Variants in C10orf53 observed in about 807,000 individuals in gnomAD.
C10orf53 encodes chromosome 10 open reading frame 53.
A neutral mutation model predicts 9.4 loss-of-function variants in C10orf53; 8 were observed. The observed-to-expected ratio is 0.85, with a 90% CI of 0.50 to 1.53. The LOEUF (loss-of-function observed/expected upper bound fraction) is 1.53, where lower values mean the gene tolerates loss of function less well. Ranked by LOEUF, C10orf53 falls within the 40% of genes most tolerant of loss-of-function variation. The probability of loss-of-function intolerance (pLI) is 0.00; values close to 1 mark genes in which losing one functional copy is unlikely to be tolerated. For synonymous variants in C10orf53, 48 were observed against 46.0 expected, an observed-to-expected ratio of 1.04 and a Z score of -0.18; for missense variants, 117 against 117.8, an observed-to-expected ratio of 0.99 and a Z score of 0.03.
At chr10:49,708,659 A>T (rs1030757915) in exon 3 of C10orf53, 14 of 1,603,462 alleles carry the variant, frequency 8.7e-6, no homozygotes, top group Non-Finnish European at 1.1e-5. Context: ...CATTTCACAA[A>T]AGGAAAATGG....
intron 1 of C10orf53, among the ~76,000 whole-genome samples, chr10:49,683,096 T>C (rs1436629082): frequency 6.6e-6 from 1 of 152,262 alleles, no homozygotes; most frequent in Admixed American, 6.5e-5. Context: ...CTGAGTCATA[T>C]GGTAATTCTA....
chr10:49,707,889 C>G (rs1840734017), intron 2 of C10orf53, among the ~76,000 whole-genome samples: 1 of 151,924 alleles, frequency 6.6e-6, no homozygotes, highest in Non-Finnish European at 1.5e-5. Context: ...AAAAAAAAAC[C>G]CATTGACCTC....
chr10:49,694,896 C>A lies in C10orf53; in HGVS notation c.*294C>A. Reference sequence around the variant, plus strand: ...GCTGAAGGAAACAATAAAATGCAATCAAATAACAAGGTGCCATTCCTGACT... The same window carrying A: ...GCTGAAGGAAACAATAAAATGCAATAAAATAACAAGGTGCCATTCCTGACT... On this transcript the variant is annotated 3_prime_UTR_variant, in exon 3 of 3. Transcript: ENST00000374111. 1 of 1,179,332 alleles carries A rather than the reference C, an allele frequency of 8.5e-7. No individual in the cohort carries two copies. The highest frequency in any genetic ancestry group is 1.1e-6 in the Non-Finnish European group (1 of 951,980). 73.1% of individuals were successfully genotyped at this position (1,179,332 alleles called of 1,614,324 possible).
rs1275976841 is a variant in C10orf53 at position 49,695,109 on chromosome 10, GAATA to G, written c.*512_*515del. On this transcript the variant is annotated 3_prime_UTR_variant, in exon 3 of 3. Coordinates refer to ENST00000374111, the MANE Select transcript of C10orf53 (RefSeq NM_001042427.3). ...ACAGATTTATTTCTGACTCCTGAGGGAATAAATATTTTAAATTGCTATTATAAAA... is the reference window on the plus strand; with the variant it reads ...ACAGATTTATTTCTGACTCCTGAGGGAATATTTTAAATTGCTATTATAAAA... 4 of 271,726 alleles carry G rather than the reference GAATA, an allele frequency of 1.5e-5. No individual in the cohort carries two copies. Among genetic ancestry groups the G allele is most frequent in the African/African-American group, 9.2e-5 (4 of 43,554 alleles). 16.8% of individuals were successfully genotyped at this position (271,726 alleles called of 1,614,324 possible). A position where few individuals can be genotyped will look rare whatever the true frequency, so the allele number is the denominator to read the frequency against.
downstream of C10orf53, among the ~76,000 whole-genome samples, chr10:49,699,190 C>CTTT (rs67695235): frequency 0.13 from 8,038 of 63,982 alleles, 2,654 homozygotes; most frequent in Non-Finnish European, 0.16. Context: ...GTGGCTCAAT[C>CTTT]TTTTTTTTTT....
intron 2 of C10orf53, 61 bp from the exon 3 acceptor site, chr10:49,694,477 C>G (rs1160808880): frequency 6.2e-7 from 1 of 1,604,218 alleles, no homozygotes; most frequent in African/African-American, 1.3e-5. Context: ...ATAGGTATGT[C>G]TGATATGATA....
At chr10:49,703,676 G>A (rs1376761270) in intron 2 of C10orf53, among the ~76,000 whole-genome samples, 1 of 151,990 alleles carries the variant, frequency 6.6e-6, no homozygotes, top group South Asian at 2.1e-4. Flanking sequence ...TTAGATCTGG[G>A]GACATTTCTA....
At chr10:49,680,553 G>T (rs936938810) in intron 1 of C10orf53, among the ~76,000 whole-genome samples, 6 of 152,220 alleles carry the variant, frequency 3.9e-5, no homozygotes, top group Non-Finnish European at 8.8e-5. Flanking sequence ...TAAACTGATG[G>T]GGGATGAGGC....
intron 1 of C10orf53, among the ~76,000 whole-genome samples, chr10:49,681,208 CTGT>C (rs914124816): frequency 5.5e-4 from 83 of 152,254 alleles, no homozygotes; most frequent in African/African-American, 2.0e-3. Context: ...TGAATCAGCT[CTGT>C]TGTTCTGGAG....
downstream of C10orf53, among the ~76,000 whole-genome samples, chr10:49,700,103 G>T (rs1020818034): frequency 2.0e-5 from 3 of 152,198 alleles, no homozygotes; most frequent in African/African-American, 7.2e-5. Context: ...GTGAGGCTTA[G>T]TCCAAACTGC....
At chr10:49,699,190 C>CTTTTTTTTTTTTTTTTTTTTTTTTTT (rs67695235), downstream of C10orf53, among the ~76,000 whole-genome samples, 1 of 64,870 alleles carries the variant, frequency 1.5e-5, no homozygotes, top group Non-Finnish European at 2.5e-5. Context: ...GTGGCTCAAT[C>CTTTTTTTTTTTTTTTTTTTTTTTTTT]TTTTTTTTTT....
intron 2 of C10orf53, among the ~76,000 whole-genome samples, chr10:49,704,266 T>C (rs1435098028): frequency 1.3e-5 from 2 of 152,160 alleles, no homozygotes; most frequent in African/African-American, 4.8e-5. Flanking sequence ...AAAGAAGGCA[T>C]TTGCAACTCA....
At chr10:49,705,709 T>C (rs1268664414) in intron 2 of C10orf53, among the ~76,000 whole-genome samples, 1 of 152,096 alleles carries the variant, frequency 6.6e-6, no homozygotes, top group Non-Finnish European at 1.5e-5. Flanking sequence ...CTTCATGACC[T>C]TGTATTTGGC....
At chr10:49,687,810 C>T (rs150943417) in intron 1 of C10orf53, among the ~76,000 whole-genome samples, 1,621 of 152,274 alleles carry the variant, frequency 0.011, 19 homozygotes, top group Non-Finnish European at 0.017. Flanking sequence ...AGAGTCCAGC[C>T]TGTCTCATCC....
chr10:49,691,647 T>C (rs986533584), intron 1 of C10orf53, among the ~76,000 whole-genome samples: 1 of 152,206 alleles, frequency 6.6e-6, no homozygotes, highest in African/African-American at 2.4e-5. Context: ...GGGTAAGTGA[T>C]TCGGTGGATC....
rs537999882 is a variant in C10orf53 at position 49,693,662 on chromosome 10, C to A, written c.98-112C>A. ...TGCCTACCAGGGCAGTTGAGTGATA[C>A]CCATGAGCAACTAGATGGCAGACAA... On this transcript the variant is annotated intron_variant, in intron 1 of 2. Coordinates refer to ENST00000374111, the MANE Select transcript of C10orf53 (RefSeq NM_001042427.3). The A allele has an allele frequency of 3.0e-6, 4 of 1,336,554 alleles. No individual in the cohort carries two copies. In the African/African-American group the frequency reaches 4.4e-5, roughly 15 times the overall value. The allele number at this position is 1,336,554 out of a possible 1,614,324, so 82.8% of individuals were successfully genotyped here.
intron 2 of C10orf53, among the ~76,000 whole-genome samples, chr10:49,706,807 G>C (rs1055498242): frequency 1.4e-4 from 21 of 152,180 alleles, no homozygotes; most frequent in African/African-American, 5.1e-4. Context: ...AGGCACTGAT[G>C]CAGTGTTTAC....
intron 1 of C10orf53, 151 bp downstream of exon 1, chr10:49,679,945 C>A: frequency 1.4e-6 from 1 of 707,146 alleles, no homozygotes; most frequent in Non-Finnish European, 2.2e-6. Flanking sequence ...CTATGGCTTC[C>A]AGGGCTGGGC....
chr10:49,699,153 TC>T (rs1020518868), downstream of C10orf53, among the ~76,000 whole-genome samples: 6 of 151,830 alleles, frequency 4.0e-5, no homozygotes, highest in East Asian at 1.9e-4. Context: ...TTATCATTTT[TC>T]TTTCTCTTGT....
Sources: allele counts gnomAD v4.1 joint callset (sites outside exome capture counted in the v4.1 genomes callset), GRCh38; gene constraint gnomAD v4.1.1; transcripts MANE v1.5; gene names NCBI Gene and HGNC (gene_info 2026-07-23, HGNC 2026-07-21).